Variants in PCDHA11 observed in about 807,000 individuals in gnomAD.
The protein encoded by PCDHA11 is protocadherin alpha 11.
PCDHA11 carries 61 observed loss-of-function variants against 70.3 expected under a neutral mutation model. The ratio of observed to expected loss-of-function variants is 0.87; its 90% CI spans 0.71 to 1.07. PCDHA11 has a LOEUF of 1.07. Among genes scored for constraint, PCDHA11 ranks in the 50% least tolerant of loss-of-function variants. PCDHA11 has a pLI of 0.00. For missense variants in PCDHA11, 1,324 were observed against 1,237.5 expected (o/e 1.07, Z -1.05); for synonymous variants, 633 against 555.1 (o/e 1.14, Z -1.97).
chr5:140,881,097 A>G (rs1179635604), intron 1 of PCDHA11, among the ~76,000 whole-genome samples: 1 of 152,262 alleles, frequency 6.6e-6, no homozygotes, highest in Non-Finnish European at 1.5e-5. Flanking sequence ...TTTTCATTAC[A>G]CCATTTGGCC....
chr5:141,001,999 A>G (rs1554258445), intron 3 of PCDHA11, among the ~76,000 whole-genome samples: 1 of 152,198 alleles, frequency 6.6e-6, no homozygotes, highest in African/African-American at 2.4e-5. Flanking sequence ...TTCACTTGCA[A>G]ACACAGAATC....
chr5:140,942,679 G>C (rs549826522), intron 1 of PCDHA11, among the ~76,000 whole-genome samples: 1 of 152,020 alleles, frequency 6.6e-6, no homozygotes, highest in African/African-American at 2.4e-5. Context: ...AAAGTTTTAG[G>C]AATAACTTTA....
chr5:140,916,303 A>G (rs2077518127), intron 1 of PCDHA11, among the ~76,000 whole-genome samples: 1 of 152,176 alleles, frequency 6.6e-6, no homozygotes, highest in Admixed American at 6.5e-5. Context: ...ACTGGTACCA[A>G]AGGTGCAAGA....
intron 1 of PCDHA11, chr5:140,876,810 C>T (rs782009058): frequency 1.9e-6 from 3 of 1,614,154 alleles, no homozygotes; most frequent in East Asian, 2.2e-5. Flanking sequence ...TGGAGGTGGC[C>T]GACGTGAACG....
chr5:140,975,514 C>T (rs549258421), intron 1 of PCDHA11, among the ~76,000 whole-genome samples: 2 of 152,304 alleles, frequency 1.3e-5, no homozygotes, highest in African/African-American at 4.8e-5. Flanking sequence ...TATGCAAAAT[C>T]TGCAGTGGAT....
At chr5:140,929,036 C>T in intron 1 of PCDHA11, 1 of 1,614,178 alleles carries the variant, frequency 6.2e-7, no homozygotes, top group Non-Finnish European at 8.5e-7. Flanking sequence ...GGCTGTTGCG[C>T]TCAGAGCTGC....
intron 1 of PCDHA11, among the ~76,000 whole-genome samples, chr5:140,921,386 A>C (rs2080192825): frequency 6.6e-6 from 1 of 152,156 alleles, no homozygotes; most frequent in African/African-American, 2.4e-5. Flanking sequence ...ATATTTGATA[A>C]ACATTCACAC....
At chr5:140,986,052 C>A (rs896963006) in intron 3 of PCDHA11, among the ~76,000 whole-genome samples, 3 of 152,066 alleles carry the variant, frequency 2.0e-5, no homozygotes, top group Admixed American at 1.3e-4. Flanking sequence ...CTGATGAATT[C>A]TTTTGCTTTT....
Position 140,876,990 on chromosome 5 carries a change from C to T in PCDHA11, c.2391+5496C>T, listed in dbSNP as rs374520504. The T allele has an allele frequency of 2.2e-5, 35 of 1,612,500 alleles. No individual in the cohort carries two copies. In the South Asian group the frequency reaches 2.9e-4, roughly 13 times the overall value. On this transcript the variant is annotated intron_variant, in intron 1 of 3. Coordinates refer to ENST00000398640, the MANE Select transcript of PCDHA11 (RefSeq NM_018902.5). ...GGGTGGGCGAGCACGCACTGTCGAG[C>T]TACGTGTCGGTGCACGCGGAGAGCG... is the stretch of plus-strand genomic sequence containing the variant.
chr5:140,898,464 T>C (rs2066757130), intron 1 of PCDHA11, among the ~76,000 whole-genome samples: 1 of 152,198 alleles, frequency 6.6e-6, no homozygotes, highest in Admixed American at 6.5e-5. Flanking sequence ...CCCCATTGCT[T>C]GTTTTTCTCA....
intron 1 of PCDHA11, among the ~76,000 whole-genome samples, chr5:140,935,656 CTTTTA>C (rs1300447387): frequency 6.6e-6 from 1 of 151,868 alleles, no homozygotes; most frequent in African/African-American, 2.4e-5. Context: ...TTTTAATTTT[CTTTTA>C]TAATTATGTG....
chr5:141,010,506 C>A lies in PCDHA11; in HGVS notation c.*569C>A. ...CTTAAAGGGACCAGACTTTCTAAAT[C>A]TTACAACTCAAGAGGTGGCAGCCAC... is the stretch of plus-strand genomic sequence containing the variant. On this transcript the variant is annotated 3_prime_UTR_variant, in exon 4 of 4. Transcript: ENST00000398640. 1 of 549,534 alleles carries A rather than the reference C, an allele frequency of 1.8e-6. No homozygotes were observed. The highest frequency in any genetic ancestry group is 2.9e-6 in the Non-Finnish European group (1 of 344,162). 34.0% of individuals were successfully genotyped at this position (549,534 alleles called of 1,614,324 possible). A position where few individuals can be genotyped will look rare whatever the true frequency, so the allele number is the denominator to read the frequency against.
intron 1 of PCDHA11, among the ~76,000 whole-genome samples, chr5:140,974,807 A>T (rs2096641510): frequency 6.6e-6 from 1 of 152,202 alleles, no homozygotes; most frequent in Admixed American, 6.5e-5. Context: ...ATATACTAGA[A>T]GACCAATATG....
chr5:140,976,553 A>C (rs1554237789), intron 1 of PCDHA11, among the ~76,000 whole-genome samples: 1 of 152,074 alleles, frequency 6.6e-6, no homozygotes, highest in African/African-American at 2.4e-5. Flanking sequence ...CCTATCTCAT[A>C]AATAAATAAA....
chr5:140,881,538 C>CT lies in PCDHA11; in HGVS notation c.2391+10047dup, dbSNP rs1216394306. ...AAATCCCACACATATTGACTGAACA[C>CT]TTTCTTTTGAATATAAATATCTTAT... On this transcript the variant is annotated intron_variant, in intron 1 of 3. Transcript: ENST00000398640. Among the ~76,000 whole-genome samples, 3 of 152,196 alleles carry CT rather than the reference C, an allele frequency of 2.0e-5. No homozygotes were observed. In the East Asian group the frequency reaches 5.8e-4, roughly 29 times the overall value.
chr5:140,968,029 G>C (rs1554230214), intron 1 of PCDHA11: 4 of 1,614,170 alleles, frequency 2.5e-6, no homozygotes, highest in South Asian at 2.2e-5. Context: ...CCTATACACT[G>C]GTGGTGAGCG....
chr5:140,870,353 T>C lies in PCDHA11; in HGVS notation c.1250T>C (p.Val417Ala), dbSNP rs782038424. The change falls in exon 1 of 4, where the codon GTG (valine) becomes GCG (alanine). Residue 417 changes from valine (V) to alanine (A), a missense_variant. Physicochemically the swap from Val to Ala is moderately conservative, Grantham distance 64. Transcript: ENST00000398640. ...GACAGCGCCCTGGACCGCGAGAACG[T>C]GTGGGCCTATGAACTGGTGGTGACT... is the stretch of plus-strand genomic sequence containing the variant. ...VLDSALDREN[V>A]WAYELVVTAR... The C allele has an allele frequency of 3.7e-6, 6 of 1,614,002 alleles. No homozygotes were observed. The Admixed American group carries it at 8.3e-5, about 22-fold the overall frequency.
At chr5:140,885,119 TTTTC>T (rs1425065169) in intron 1 of PCDHA11, among the ~76,000 whole-genome samples, 2 of 152,334 alleles carry the variant, frequency 1.3e-5, no homozygotes, top group East Asian at 3.9e-4. Context: ...TTAAGTGCAC[TTTTC>T]TTTCTTTCTT....
chr5:141,010,276 TTGA>T lies in PCDHA11; in HGVS notation c.*343_*345del, dbSNP rs1554262867. On this transcript the variant is annotated 3_prime_UTR_variant, in exon 4 of 4. Transcript: ENST00000398640. ...TGCCCTGTGCTCCGGGGATCCTGTC[TTGA>T]TGACACTTGCAGGGCAGGCTGAAAA... is the stretch of plus-strand genomic sequence containing the variant. The T allele has an allele frequency of 4.5e-6, 7 of 1,551,580 alleles. No individual in the cohort carries two copies. The highest frequency in any genetic ancestry group is 6.1e-6 in the Non-Finnish European group (7 of 1,146,976).
Sources: allele counts gnomAD v4.1 joint callset (sites outside exome capture counted in the v4.1 genomes callset), GRCh38; gene constraint gnomAD v4.1.1; transcripts MANE v1.5; gene names NCBI Gene and HGNC (gene_info 2026-07-23, HGNC 2026-07-21).